Variants in CIMIP7 observed in about 807,000 individuals in gnomAD.
The protein encoded by CIMIP7 is uncharacterized protein C3orf84.
At chr3:49,177,917 C>G in the CIMIP7 span, 1 of 1,613,858 alleles carries the variant, frequency 6.2e-7, no homozygotes, top group South Asian at 1.1e-5. Context: ...CTGAAATCAG[C>G]CTGGTAAGAA....
the CIMIP7 span, chr3:49,177,877 T>C: frequency 9.9e-6 from 16 of 1,613,750 alleles, no homozygotes; most frequent in Non-Finnish European, 1.4e-5. Context: ...GATGAGGTGC[T>C]GGGGGAGGCC....
At chr3:49,178,526 G>A in the CIMIP7 span, 95 of 1,613,298 alleles carry the variant, frequency 5.9e-5, no homozygotes, top group African/African-American at 2.3e-4. Flanking sequence ...AAGAAGTGTC[G>A]CTGCGCCGGC....
chr3:49,179,955 T>C, the CIMIP7 span, among the ~76,000 whole-genome samples: 5 of 151,980 alleles, frequency 3.3e-5, no homozygotes, highest in Non-Finnish European at 4.4e-5. Context: ...CTGGCCAACA[T>C]AGTGAAACCC....
At chr3:49,182,998 C>CCT in the CIMIP7 span, among the ~76,000 whole-genome samples, 16 of 152,140 alleles carry the variant, frequency 1.1e-4, no homozygotes, top group African/African-American at 3.4e-4. Flanking sequence ...CTGGCCTCTC[C>CCT]CTCCATACCT....
the CIMIP7 span, chr3:49,189,856 T>A: frequency 4.0e-6 from 3 of 752,786 alleles, no homozygotes; most frequent in Admixed American, 5.2e-5. Flanking sequence ...CTCACTCTTT[T>A]CCACCCTGTC....
chr3:49,182,089 C>T, the CIMIP7 span, among the ~76,000 whole-genome samples: 2 of 152,112 alleles, frequency 1.3e-5, no homozygotes, highest in Non-Finnish European at 1.5e-5. Context: ...AGCTGCAGAC[C>T]TTCGTGGTGA....
the CIMIP7 span, among the ~76,000 whole-genome samples, chr3:49,182,208 G>C: frequency 6.6e-6 from 1 of 152,340 alleles, no homozygotes; most frequent in African/African-American, 2.4e-5. Context: ...GACCAAAGCG[G>C]GTTGCCACTG....
chr3:49,184,476 C>T, the CIMIP7 span, among the ~76,000 whole-genome samples: 5 of 151,900 alleles, frequency 3.3e-5, no homozygotes, highest in Non-Finnish European at 5.9e-5. Flanking sequence ...CATGTGCCAC[C>T]ACACTGGCTA....
At chr3:49,190,085 A>G in the CIMIP7 span, 3 of 1,612,174 alleles carry the variant, frequency 1.9e-6, no homozygotes, top group East Asian at 6.7e-5. Flanking sequence ...GGTATTCTCT[A>G]GCACTTTCAC....
the CIMIP7 span, chr3:49,190,210 A>G: frequency 2.8e-6 from 3 of 1,086,244 alleles, no homozygotes; most frequent in Non-Finnish European, 4.0e-6. Context: ...CAGGGCCCCA[A>G]CTGAGGGTTC....
the CIMIP7 span, among the ~76,000 whole-genome samples, chr3:49,180,983 C>A: frequency 1.4e-5 from 2 of 143,674 alleles, no homozygotes; most frequent in Non-Finnish European, 3.0e-5. Context: ...CTGCCTTAGA[C>A]AGTCTGATGG....
chr3:49,188,970 T>TC, the CIMIP7 span, among the ~76,000 whole-genome samples: 2 of 151,594 alleles, frequency 1.3e-5, no homozygotes, highest in Admixed American at 6.6e-5. Flanking sequence ...GGTTATTTTT[T>TC]TTTTTTTTTT....
At chr3:49,191,174 C>G in the CIMIP7 span, among the ~76,000 whole-genome samples, 1 of 152,164 alleles carries the variant, frequency 6.6e-6, no homozygotes, top group African/African-American at 2.4e-5. Flanking sequence ...TAACACTGAG[C>G]AGAAGAACCC....
At chr3:49,190,721 T>C in the CIMIP7 span, among the ~76,000 whole-genome samples, 1 of 142,654 alleles carries the variant, frequency 7.0e-6, no homozygotes, top group Non-Finnish European at 1.5e-5. Context: ...CAGGCTGGAG[T>C]GCAGTGGTGC....
At chr3:49,184,175 T>C in the CIMIP7 span, among the ~76,000 whole-genome samples, 1 of 152,292 alleles carries the variant, frequency 6.6e-6, no homozygotes, top group East Asian at 1.9e-4. Flanking sequence ...TTGTTTAACT[T>C]TTTTTAAGAG....
chr3:49,188,831 T>C, the CIMIP7 span, among the ~76,000 whole-genome samples: 3 of 152,170 alleles, frequency 2.0e-5, no homozygotes, highest in Non-Finnish European at 4.4e-5. Context: ...CGAGTCTCAC[T>C]CTGTCACCCA....
At chr3:49,181,323 C>T in the CIMIP7 span, among the ~76,000 whole-genome samples, 1 of 128,360 alleles carries the variant, frequency 7.8e-6, no homozygotes, top group Non-Finnish European at 1.6e-5. Flanking sequence ...GCCTTGGCAA[C>T]AGAGAGACTC....
At chr3:49,191,541 T>G in the CIMIP7 span, 2 of 690,464 alleles carry the variant, frequency 2.9e-6, no homozygotes, top group Non-Finnish European at 5.3e-6. Flanking sequence ...GAGACCATGA[T>G]GCATGGAAGG....
chr3:49,188,489 G>C, the CIMIP7 span, among the ~76,000 whole-genome samples: 1 of 152,168 alleles, frequency 6.6e-6, no homozygotes, highest in Non-Finnish European at 1.5e-5. Context: ...GGAAAAGAGA[G>C]AGGAGGTGTT....
Sources: gnomAD v4.1 joint callset for allele counts (sites outside exome capture counted in the v4.1 genomes callset) on GRCh38, gnomAD v4.1.1 for gene constraint, MANE v1.5 for transcripts, NCBI Gene and HGNC (gene_info 2026-07-23, HGNC 2026-07-21) for gene names.